The following L3MBTL3 variants were observed in gnomAD, a reference collection of about 807,000 sequenced individuals.
L3MBTL3 encodes the protein L3MBTL histone methyl-lysine binding protein 3, also known as lethal(3)malignant brain tumor-like protein 3.
A neutral mutation model predicts 102.3 loss-of-function variants in L3MBTL3; 27 were observed. The observed-to-expected ratio is 0.26, with a 90% CI of 0.19 to 0.36. L3MBTL3 has a LOEUF of 0.36. L3MBTL3 is among the 10% of genes least tolerant of loss of function. The pLI is 1.00. For missense variants in L3MBTL3, 798 were observed against 955.3 expected, an observed-to-expected ratio of 0.84 and a Z score of 2.17; for synonymous variants, 340 against 320.9, an observed-to-expected ratio of 1.06 and a Z score of -0.64.
intron 14 of L3MBTL3, among the ~76,000 whole-genome samples, chr6:130,080,025 C>CGG (rs907260645): frequency 1.4e-4 from 22 of 152,192 alleles, no homozygotes; most frequent in African/African-American, 5.3e-4. Flanking sequence ...GAGGCTGAGG[C>CGG]GGGAGGATCA....
rs1170307132 is a variant in L3MBTL3 at position 130,038,645 on chromosome 6, G to A, written c.-15-4040G>A. On this transcript the variant is annotated intron_variant, in intron 2 of 22. Transcript: ENST00000361794. ...GCTTTTTTGCTGCTGAGTTATTTGA[G>A]CTTCTTATATAATCTGGATATTAAT... 4.6e-5 allele frequency among the ~76,000 whole-genome samples: 7 copies of A among 151,966 alleles called. No individual in the cohort carries two copies. The East Asian group carries it at 1.3e-3, about 29-fold the overall frequency.
intron 13 of L3MBTL3, among the ~76,000 whole-genome samples, chr6:130,074,493 G>T (rs1436106779): frequency 6.6e-6 from 1 of 152,114 alleles, no homozygotes; most frequent in Non-Finnish European, 1.5e-5. Context: ...GAACTTTAGG[G>T]ACCCAGGAAG....
intron 18 of L3MBTL3, among the ~76,000 whole-genome samples, chr6:130,099,553 G>A (rs1471533677): frequency 6.6e-6 from 1 of 152,158 alleles, no homozygotes; most frequent in Non-Finnish European, 1.5e-5. Flanking sequence ...TTTCTAACAT[G>A]ATGCAGATCA....
chr6:130,095,070 A>G (rs1784284386), intron 18 of L3MBTL3, among the ~76,000 whole-genome samples: 1 of 152,120 alleles, frequency 6.6e-6, no homozygotes, highest in Admixed American at 6.6e-5. Flanking sequence ...GTACTAAGAA[A>G]TTCCTGTGAT....
intron 19 of L3MBTL3, among the ~76,000 whole-genome samples, chr6:130,105,461 C>T (rs774035933): frequency 1.2e-4 from 18 of 151,796 alleles, no homozygotes; most frequent in African/African-American, 1.9e-4. Flanking sequence ...CTTAAAACCA[C>T]GACTGATAAC....
At chr6:130,023,373 G>GGC (rs1779132107) in intron 2 of L3MBTL3, among the ~76,000 whole-genome samples, 1 of 152,096 alleles carries the variant, frequency 6.6e-6, no homozygotes, top group South Asian at 2.1e-4. Flanking sequence ...GAGACAATGG[G>GGC]GCAAGAACAG....
At chr6:130,115,196 A>G (rs1276393614) in intron 19 of L3MBTL3, among the ~76,000 whole-genome samples, 1 of 152,162 alleles carries the variant, frequency 6.6e-6, no homozygotes, top group East Asian at 1.9e-4. Context: ...CCATGAGACT[A>G]GAATAAGCTA....
At chr6:130,137,104 G>C (rs1052317520) in intron 22 of L3MBTL3, among the ~76,000 whole-genome samples, 1 of 152,188 alleles carries the variant, frequency 6.6e-6, no homozygotes, top group South Asian at 2.1e-4. Flanking sequence ...TAGACATTCA[G>C]TATATTTTTG....
intron 3 of L3MBTL3, 126 bp from the exon 4 acceptor site, chr6:130,049,156 T>A (rs903660330): frequency 3.2e-6 from 2 of 628,442 alleles, no homozygotes; most frequent in Non-Finnish European, 5.7e-6. Flanking sequence ...TATCAGGATA[T>A]AATTGTCTAA....
At chr6:130,125,309 T>C (rs1244095180) in intron 20 of L3MBTL3, among the ~76,000 whole-genome samples, 1 of 152,226 alleles carries the variant, frequency 6.6e-6, no homozygotes, top group Non-Finnish European at 1.5e-5. Flanking sequence ...TTAACAGCAG[T>C]GTCTCTTATT....
chr6:130,030,194 A>G (rs1357352704), intron 2 of L3MBTL3, among the ~76,000 whole-genome samples: 18 of 152,072 alleles, frequency 1.2e-4, no homozygotes, highest in Admixed American at 1.2e-3. Flanking sequence ...TAACTTTTAC[A>G]TACCAAGCAT....
intron 6 of L3MBTL3, 28 bp downstream of exon 6, chr6:130,051,436 A>G (rs1202059080): frequency 6.3e-7 from 1 of 1,597,920 alleles, no homozygotes; most frequent in Non-Finnish European, 8.6e-7. Context: ...TCCATCTATA[A>G]ATTGAGTTTT....
rs758392860 is a variant in L3MBTL3 at position 130,068,330 on chromosome 6, G to GTTT, written c.1001_1002insTTT (p.Gly334_Tyr335insLeu). On this transcript the variant is annotated inframe_insertion and splice_region_variant, in exon 12 of 23. Transcript: ENST00000361794. ...ATCTGTTCATATGTGCTTACTCTAG[G>GTTT]GTATAAAGAAGAAGAATTCAATTGG... 6.5e-7 allele frequency: 1 copy of GTTT among 1,538,534 alleles called. No homozygotes were observed.
chr6:130,132,416 C>A (rs913117422), intron 20 of L3MBTL3, among the ~76,000 whole-genome samples: 6 of 152,112 alleles, frequency 3.9e-5, no homozygotes, highest in African/African-American at 1.4e-4. Flanking sequence ...TGGGTGTGTT[C>A]ACTTTGTGAA....
chr6:130,033,128 G>GT (rs1485737073), intron 2 of L3MBTL3, among the ~76,000 whole-genome samples: 4 of 152,182 alleles, frequency 2.6e-5, no homozygotes, highest in Non-Finnish European at 5.9e-5. Flanking sequence ...AAGAGGAACT[G>GT]TAAGAGTAGG....
intron 9 of L3MBTL3, among the ~76,000 whole-genome samples, chr6:130,058,103 A>T (rs1023204378): frequency 7.6e-6 from 1 of 132,100 alleles, no homozygotes; most frequent in Non-Finnish European, 1.5e-5. Flanking sequence ...AGATTGCGCC[A>T]TTGCAGTCCG....
At chr6:130,056,398 T>A (rs1781512333) in intron 8 of L3MBTL3, among the ~76,000 whole-genome samples, 1 of 152,112 alleles carries the variant, frequency 6.6e-6, no homozygotes, top group African/African-American at 2.4e-5. Flanking sequence ...CAAGGCTCTA[T>A]CCCCTTGCCT....
chr6:130,095,808 C>T (rs985880428), intron 18 of L3MBTL3, among the ~76,000 whole-genome samples: 1 of 152,126 alleles, frequency 6.6e-6, no homozygotes, highest in Non-Finnish European at 1.5e-5. Flanking sequence ...GCCAAACCTG[C>T]TTTTATAACA....
At chr6:130,097,037 G>A (rs144740098) in intron 18 of L3MBTL3, among the ~76,000 whole-genome samples, 1 of 152,266 alleles carries the variant, frequency 6.6e-6, no homozygotes, top group Non-Finnish European at 1.5e-5. Flanking sequence ...AGAACTCCTG[G>A]AGGTCCCAGT....
Sources: allele counts gnomAD v4.1 joint callset (sites outside exome capture counted in the v4.1 genomes callset), GRCh38; gene constraint gnomAD v4.1.1; transcripts MANE v1.5; gene names NCBI Gene and HGNC (gene_info 2026-07-23, HGNC 2026-07-21).